Variants in TAF2 observed in about 807,000 individuals in gnomAD.
TAF2 encodes TATA-box binding protein associated factor 2.
Under a neutral mutation model 138.5 loss-of-function variants are expected in TAF2, and 61 were observed. The ratio of observed to expected loss-of-function variants is 0.44; its 90% CI spans 0.36 to 0.54. The LOEUF (loss-of-function observed/expected upper bound fraction) is 0.54, where lower values mean the gene tolerates loss of function less well. Among genes scored for constraint, TAF2 ranks in the 20% least tolerant of loss-of-function variants. TAF2 has a pLI of 0.00. For synonymous variants in TAF2, 475 were observed against 469.9 expected (o/e 1.01, Z -0.14); for missense variants, 1,090 against 1,427.9 (o/e 0.76, Z 3.81).
At chr8:119,810,274 G>T (rs927404357) in intron 3 of TAF2, among the ~76,000 whole-genome samples, 1 of 152,068 alleles carries the variant, frequency 6.6e-6, no homozygotes, top group Non-Finnish European at 1.5e-5. Context: ...TTTGAGACTG[G>T]CTTGTGTCAC....
rs80122058 is a variant in TAF2, at chr8:119,817,192, T to C, written c.299+2154A>G. 7.1e-3 allele frequency among the ~76,000 whole-genome samples: 1,077 copies of C among 152,306 alleles called. 13 individuals are homozygous for C. The highest frequency in any genetic ancestry group is 0.025 in the African/African-American group (1,021 of 41,560). ...CCTAACCTTTGAAAAGATTCTCTTTTATAACTTCCTTTTCATTCTTTGTAT... is the reference window on the plus strand; with the variant it reads ...CCTAACCTTTGAAAAGATTCTCTTTCATAACTTCCTTTTCATTCTTTGTAT... On this transcript the variant is annotated intron_variant, in intron 3 of 25. Transcript: ENST00000378164.
At position 119,781,141 on chromosome 8, in the gene TAF2, A is replaced by G; in HGVS notation, c.2165T>C (p.Leu722Pro). The G allele has an allele frequency of 6.2e-7, 1 of 1,614,166 alleles. No homozygotes were observed. The stretch of plus-strand genomic sequence containing the variant: ...TTTACAACAAAACATCCTAGTGAAG[A>G]GTGACTTCATGGCTGGTGGTCCTGT... ...TWTGPPAMKS[L>P]FTRMFCCKSC... The change falls in exon 17 of 26, where the codon CTC becomes CCC. Residue 722 changes from leucine (L) to proline (P), a missense_variant. Leu to Pro is a moderately conservative substitution (Grantham distance 98). Transcript: ENST00000378164.
At chr8:119,785,163 A>C (rs760574332) in intron 15 of TAF2, 38 bp downstream of exon 15, 3 of 1,530,148 alleles carry the variant, frequency 2.0e-6, no homozygotes, top group Non-Finnish European at 9.1e-7. Context: ...GAGAATGCAG[A>C]AAGTATTATA....
intron 18 of TAF2, among the ~76,000 whole-genome samples, chr8:119,769,621 A>C (rs59361806): frequency 1.3e-5 from 2 of 152,076 alleles, no homozygotes; most frequent in African/African-American, 4.8e-5. Flanking sequence ...TAGAAGAGCA[A>C]CAAACAGAAC....
chr8:119,777,459 C>G (rs1011863856), intron 18 of TAF2, among the ~76,000 whole-genome samples: 1 of 152,062 alleles, frequency 6.6e-6, no homozygotes, highest in African/African-American at 2.4e-5. Context: ...TTCCAGCTAA[C>G]AGGGGACACT....
intron 18 of TAF2, among the ~76,000 whole-genome samples, chr8:119,772,746 G>C (rs1821934440): frequency 6.6e-6 from 1 of 151,960 alleles, no homozygotes; most frequent in Admixed American, 6.6e-5. Flanking sequence ...AGACCAGCCT[G>C]GCCAACATGG....
chr8:119,735,451 C>G (rs1002153624), intron 25 of TAF2, among the ~76,000 whole-genome samples: 1 of 152,184 alleles, frequency 6.6e-6, no homozygotes, highest in African/African-American at 2.4e-5. Flanking sequence ...TATTATAGCT[C>G]ATCCATTCAA....
intron 18 of TAF2, among the ~76,000 whole-genome samples, chr8:119,775,184 G>C (rs972213993): frequency 8.6e-5 from 13 of 151,198 alleles, no homozygotes; most frequent in African/African-American, 2.9e-4. Context: ...AGGAGGCCGA[G>C]GCAGGAGAAT....
At chr8:119,758,682 A>C (rs1348937023) in intron 20 of TAF2, among the ~76,000 whole-genome samples, 2 of 152,134 alleles carry the variant, frequency 1.3e-5, no homozygotes, top group Non-Finnish European at 2.9e-5. Flanking sequence ...ATGACTAGCT[A>C]TTTCCATTCA....
At chr8:119,810,367 C>T (rs1824968240) in intron 3 of TAF2, among the ~76,000 whole-genome samples, 2 of 152,142 alleles carry the variant, frequency 1.3e-5, no homozygotes, top group Admixed American at 1.3e-4. Context: ...ATTGTATAGA[C>T]TGTACCAGTT....
intron 22 of TAF2, among the ~76,000 whole-genome samples, chr8:119,749,839 A>T (rs1175796764): frequency 6.6e-6 from 1 of 152,192 alleles, no homozygotes; most frequent in Non-Finnish European, 1.5e-5. Context: ...GCAACGAATG[A>T]TCACATGACA....
chr8:119,744,424 A>G (rs774194641), intron 23 of TAF2, 31 bp from the exon 24 acceptor site: 1 of 1,577,934 alleles, frequency 6.3e-7, no homozygotes, highest in Non-Finnish European at 8.7e-7. Flanking sequence ...ACAGAGGATA[A>G]AAGAACCATT....
chr8:119,801,709 T>G, intron 6 of TAF2, 85 bp downstream of exon 6: 1 of 1,336,634 alleles, frequency 7.5e-7, no homozygotes, highest in South Asian at 1.2e-5. Flanking sequence ...ATTACAGGCA[T>G]GAGCCACCGT....
At chr8:119,787,683 A>C (rs925126685) in intron 14 of TAF2, among the ~76,000 whole-genome samples, 6 of 152,220 alleles carry the variant, frequency 3.9e-5, no homozygotes, top group Admixed American at 6.5e-5. Context: ...CAGTGTGGCA[A>C]TTCCTCAAGG....
intron 2 of TAF2, among the ~76,000 whole-genome samples, chr8:119,821,277 C>T (rs1295353768): frequency 6.6e-6 from 1 of 152,158 alleles, no homozygotes; most frequent in Non-Finnish European, 1.5e-5. Flanking sequence ...GCAAGCCTCT[C>T]GGGTCATCTA....
At chr8:119,750,127 G>C (rs1820248717) in intron 22 of TAF2, among the ~76,000 whole-genome samples, 1 of 152,164 alleles carries the variant, frequency 6.6e-6, no homozygotes, top group Non-Finnish European at 1.5e-5. Flanking sequence ...AGGATCACAA[G>C]GTCAGGAGAT....
intron 18 of TAF2, among the ~76,000 whole-genome samples, chr8:119,777,289 T>C (rs1261658095): frequency 6.6e-6 from 1 of 152,172 alleles, no homozygotes; most frequent in African/African-American, 2.4e-5. Context: ...TAGGGAATCA[T>C]ATATATTTCC....
intron 6 of TAF2, among the ~76,000 whole-genome samples, chr8:119,801,183 G>C (rs1273806271): frequency 6.6e-6 from 1 of 152,096 alleles, no homozygotes. Flanking sequence ...TAAATGAAAA[G>C]ATGTCATTAG....
chr8:119,812,327 T>C (rs1032687172), intron 3 of TAF2, among the ~76,000 whole-genome samples: 14 of 109,698 alleles, frequency 1.3e-4, no homozygotes, highest in Non-Finnish European at 1.9e-4. Flanking sequence ...GCTGCCTCAT[T>C]TTTTTTTTTT....
Sources: gnomAD v4.1 joint callset for allele counts (sites outside exome capture counted in the v4.1 genomes callset) on GRCh38, gnomAD v4.1.1 for gene constraint, MANE v1.5 for transcripts, NCBI Gene and HGNC (gene_info 2026-07-23, HGNC 2026-07-21) for gene names.